MALRD1: variants seen among roughly 807,000 people sequenced by gnomAD.
MALRD1 encodes the protein MAM and LDL receptor class A domain containing 1.
MALRD1 carries 247 observed loss-of-function variants against 242.1 expected under a neutral mutation model. The observed-to-expected ratio is 1.02, with a 90% CI of 0.92 to 1.13. MALRD1 has a LOEUF of 1.13. Among genes scored for constraint, MALRD1 ranks in the 50% most tolerant of loss-of-function variants. MALRD1 has a pLI of 0.00. For missense variants in MALRD1, 2,989 were observed against 2,533.1 expected (o/e 1.18, Z -3.86); for synonymous variants, 995 against 866.6 (o/e 1.15, Z -2.60).
rs1340118610 is a variant in MALRD1 at position 19,347,777 on chromosome 10, C to A, written c.3908C>A (p.Ser1303Tyr). 5.2e-6 allele frequency: 8 copies of A among 1,550,200 alleles called. No homozygotes were observed. The African/African-American group carries it at 8.2e-5, about 16-fold the overall frequency. Reference sequence around the variant, plus strand: ...ATTTGGAAATATTTTCCAGGTACCTCCAGTGGGCGCTGTGATTTCGAATTT... The same window carrying A: ...ATTTGGAAATATTTTCCAGGTACCTACAGTGGGCGCTGTGATTTCGAATTT... ...SDETTFICRT[S>Y]SGRCDFEFDL... The change falls in exon 25 of 40, where the codon TCC (serine) becomes TAC (tyrosine). Residue 1303 changes from serine to tyrosine, a missense_variant. By Grantham distance (144) the Ser-to-Tyr change is moderately radical. Transcript: ENST00000454679.
chr10:19,670,066 G>GCACACACACA lies in MALRD1; in HGVS notation c.6138-22199_6138-22190dup, dbSNP rs3071775. On this transcript the variant is annotated intron_variant, in intron 36 of 39. Transcript: ENST00000454679. ...TATAATGCCCTCTTCCCTCGCACGT[G>GCACACACACA]CACACACACACACACACACACACAC... Among the ~76,000 whole-genome samples, 64 of 148,360 alleles carry GCACACACACA rather than the reference G, an allele frequency of 4.3e-4. 1 individual carries two copies. Among genetic ancestry groups the GCACACACACA allele is most frequent in the African/African-American group, 1.4e-3 (59 of 40,730 alleles).
chr10:19,725,943 G>C (rs963045891), intron 38 of MALRD1, among the ~76,000 whole-genome samples: 1 of 152,072 alleles, frequency 6.6e-6, no homozygotes, highest in Admixed American at 6.5e-5. Context: ...ACAGAAATTA[G>C]CTCAAAATGG....
chr10:19,182,625 C>T (rs538848283), intron 14 of MALRD1, among the ~76,000 whole-genome samples: 3 of 152,078 alleles, frequency 2.0e-5, no homozygotes, highest in East Asian at 1.9e-4. Context: ...CCACTGCACC[C>T]GGCCCAAAAC....
At chr10:19,204,588 A>G (rs1260498745) in intron 16 of MALRD1, among the ~76,000 whole-genome samples, 175 bp downstream of exon 16, 2 of 152,172 alleles carry the variant, frequency 1.3e-5, no homozygotes, top group Admixed American at 6.5e-5. Context: ...TGTTCTCAGT[A>G]TATGTTGTTT....
intron 31 of MALRD1, among the ~76,000 whole-genome samples, chr10:19,517,086 G>GA (rs1470658020): frequency 2.0e-5 from 3 of 152,148 alleles, no homozygotes; most frequent in African/African-American, 7.2e-5. Context: ...GGATTGAATA[G>GA]GAAAAACAGA....
At chr10:19,062,316 A>G (rs7085796) in intron 1 of MALRD1, among the ~76,000 whole-genome samples, 46,069 of 152,092 alleles carry the variant, frequency 0.3, 7,220 homozygotes, top group African/African-American at 0.38. Context: ...TGGAACACTC[A>G]TGCTTTTCTG....
At position 19,209,371 on chromosome 10, in the gene MALRD1, T is replaced by C. The variant is rs1479302575; in HGVS notation, c.2682T>C (p.Leu894=). The change falls in exon 18 of 40, where the codon CTT becomes CTC. Residue 894 remains leucine (L), a synonymous_variant. Coordinates refer to ENST00000454679, the MANE Select transcript of MALRD1 (RefSeq NM_001142308.3). Reference sequence around the variant, plus strand: ...GGAGCCAGGGTCCAACTCCAACACTTAACACAGGGCCAATGAAAGATAACA... The same window carrying C: ...GGAGCCAGGGTCCAACTCCAACACTCAACACAGGGCCAATGAAAGATAACA... ...WTRSQGPTPT[L]NTGPMKDNTL... is the part of the protein sequence containing the mutation. The C allele has an allele frequency of 6.4e-7, 1 of 1,550,932 alleles. No individual in the cohort carries two copies. Among genetic ancestry groups the C allele is most frequent in the East Asian group, 2.4e-5 (1 of 40,910 alleles).
chr10:19,672,885 GT>G (rs1183497503), intron 36 of MALRD1, among the ~76,000 whole-genome samples: 2 of 152,060 alleles, frequency 1.3e-5, no homozygotes, highest in Non-Finnish European at 2.9e-5. Flanking sequence ...TAGGAAAACA[GT>G]TTTGATTTTA....
intron 19 of MALRD1, among the ~76,000 whole-genome samples, chr10:19,269,069 G>A (rs1334204206): frequency 6.6e-6 from 1 of 152,150 alleles, no homozygotes; most frequent in African/African-American, 2.4e-5. Flanking sequence ...AAAGATTTTA[G>A]TGTTCTTTGT....
chr10:19,725,202 T>C (rs1203473270), intron 38 of MALRD1, among the ~76,000 whole-genome samples: 1 of 152,196 alleles, frequency 6.6e-6, no homozygotes, highest in East Asian at 1.9e-4. Flanking sequence ...TCATCTTGAA[T>C]TCTAGTTTCC....
At chr10:19,527,636 C>A (rs1253573251) in intron 31 of MALRD1, among the ~76,000 whole-genome samples, 1 of 152,128 alleles carries the variant, frequency 6.6e-6, no homozygotes, top group Non-Finnish European at 1.5e-5. Context: ...TATTTGAGAA[C>A]TGAACTATAA....
intron 21 of MALRD1, among the ~76,000 whole-genome samples, chr10:19,323,630 C>A (rs185570047): frequency 6.6e-6 from 1 of 152,120 alleles, no homozygotes; most frequent in Non-Finnish European, 1.5e-5. Flanking sequence ...CTTTTTGAGA[C>A]GGAGTTTCGC....
intron 29 of MALRD1, among the ~76,000 whole-genome samples, chr10:19,451,151 A>G (rs907763659): frequency 6.6e-5 from 10 of 152,204 alleles, no homozygotes; most frequent in Admixed American, 5.2e-4. Context: ...TTTCAACACA[A>G]TTTTAAATGT....
At chr10:19,110,322 G>A (rs1836632556) in intron 5 of MALRD1, among the ~76,000 whole-genome samples, 1 of 152,198 alleles carries the variant, frequency 6.6e-6, no homozygotes, top group Non-Finnish European at 1.5e-5. Flanking sequence ...TTTTGTAGAA[G>A]CTGGTGACAG....
At chr10:19,482,311 AT>A (rs1170484913) in intron 29 of MALRD1, among the ~76,000 whole-genome samples, 1 of 152,072 alleles carries the variant, frequency 6.6e-6, no homozygotes, top group African/African-American at 2.4e-5. Context: ...TCCAAAGATA[AT>A]TTATCAACAA....
intron 28 of MALRD1, among the ~76,000 whole-genome samples, chr10:19,442,142 A>T (rs948354341): frequency 6.6e-6 from 1 of 152,182 alleles, no homozygotes; most frequent in Non-Finnish European, 1.5e-5. Context: ...TTAGTCTGTT[A>T]TTGGTGTATA....
At chr10:19,071,818 C>T (rs1225048944) in intron 2 of MALRD1, among the ~76,000 whole-genome samples, 3 of 152,148 alleles carry the variant, frequency 2.0e-5, no homozygotes, top group Admixed American at 6.6e-5. Context: ...CTCTAGATTA[C>T]GTTTCTGCAG....
chr10:19,278,469 C>CCATG (rs1840642734), intron 19 of MALRD1, among the ~76,000 whole-genome samples: 1 of 152,016 alleles, frequency 6.6e-6, no homozygotes. Context: ...ATCCATCCAT[C>CCATG]CATCCATCCA....
intron 28 of MALRD1, among the ~76,000 whole-genome samples, chr10:19,390,200 C>G (rs1419766671): frequency 1.3e-5 from 2 of 152,116 alleles, no homozygotes; most frequent in African/African-American, 4.8e-5. Context: ...TAGTTGTTTC[C>G]TTCCCTTTCC....
Sources: gnomAD v4.1 joint callset for allele counts (sites outside exome capture counted in the v4.1 genomes callset) on GRCh38, gnomAD v4.1.1 for gene constraint, MANE v1.5 for transcripts, NCBI Gene and HGNC (gene_info 2026-07-23, HGNC 2026-07-21) for gene names.